DAB1: variants seen among roughly 807,000 people sequenced by gnomAD.
DAB1 encodes the protein DAB adaptor protein 1, also known as disabled homolog 1.
In DAB1, 15 loss-of-function variants were observed where a neutral mutation model predicts 64.6. The observed-to-expected ratio is 0.23, with a 90% CI of 0.16 to 0.36. The LOEUF (loss-of-function observed/expected upper bound fraction) is 0.36, where lower values mean the gene tolerates loss of function less well. Among genes scored for constraint, DAB1 ranks in the 10% least tolerant of loss-of-function variants. The pLI is 1.00. For missense variants in DAB1, 596 were observed against 706.7 expected (o/e 0.84, Z 1.78); for synonymous variants, 235 against 251.9 (o/e 0.93, Z 0.64).
At chr1:57,436,136 C>T (rs893482919) in intron 7 of DAB1, among the ~76,000 whole-genome samples, 2 of 151,894 alleles carry the variant, frequency 1.3e-5, no homozygotes, top group African/African-American at 2.4e-5. Context: ...AGGCTGGTCT[C>T]GAACTCCTGA....
chr1:58,216,071 T>C (rs994604740), intron 4 of DAB1, among the ~76,000 whole-genome samples: 13 of 152,312 alleles, frequency 8.5e-5, no homozygotes, highest in African/African-American at 2.9e-4. Context: ...GGGATACATA[T>C]GCAGAACTTG....
At chr1:57,668,074 G>A (rs1646469931) in intron 6 of DAB1, among the ~76,000 whole-genome samples, 1 of 151,844 alleles carries the variant, frequency 6.6e-6, no homozygotes, top group African/African-American at 2.4e-5. Flanking sequence ...GTGTGGCTGA[G>A]GAACTGAATT....
At chr1:57,115,930 A>G (rs1486909432) in intron 4 of DAB1, among the ~76,000 whole-genome samples, 1 of 152,184 alleles carries the variant, frequency 6.6e-6, no homozygotes. Context: ...ACATCAGGCC[A>G]TGGGGAAAGT....
intron 5 of DAB1, among the ~76,000 whole-genome samples, chr1:58,025,780 TA>T (rs1646886459): frequency 6.6e-6 from 1 of 150,662 alleles, no homozygotes; most frequent in African/African-American, 2.4e-5. Context: ...TAACTATCAA[TA>T]AAATCCAATT....
chr1:58,071,932 C>T (rs1018296916), intron 5 of DAB1, among the ~76,000 whole-genome samples: 3 of 151,910 alleles, frequency 2.0e-5, no homozygotes, highest in Non-Finnish European at 2.9e-5. Context: ...AGAACAAAAC[C>T]AACTATAATT....
intron 5 of DAB1, among the ~76,000 whole-genome samples, chr1:57,902,377 T>G (rs1047193933): frequency 4.6e-5 from 7 of 152,120 alleles, no homozygotes; most frequent in African/African-American, 1.4e-4. Context: ...TTATTTTGCC[T>G]GTATCTTCTA....
At chr1:58,429,323 A>T (rs1175035164) in intron 3 of DAB1, among the ~76,000 whole-genome samples, 3 of 152,222 alleles carry the variant, frequency 2.0e-5, no homozygotes, top group African/African-American at 7.2e-5. Context: ...AGACTGGATG[A>T]GAACATCAAG....
At chr1:57,758,033 T>G (rs528899799) in intron 6 of DAB1, among the ~76,000 whole-genome samples, 1 of 152,214 alleles carries the variant, frequency 6.6e-6, no homozygotes, top group South Asian at 2.1e-4. Context: ...CCCAGGTTGG[T>G]CTTGAATTCC....
chr1:58,402,288 G>A (rs1000155821), intron 3 of DAB1, among the ~76,000 whole-genome samples: 2 of 152,156 alleles, frequency 1.3e-5, no homozygotes, highest in Non-Finnish European at 2.9e-5. Flanking sequence ...TCGGCCCAGC[G>A]ATTAGATGGC....
chr1:57,360,358 T>A (rs1679449285), intron 1 of DAB1, among the ~76,000 whole-genome samples: 1 of 152,122 alleles, frequency 6.6e-6, no homozygotes, highest in Non-Finnish European at 1.5e-5. Context: ...TTTATCTTCT[T>A]ACATTTGTGC....
intron 3 of DAB1, among the ~76,000 whole-genome samples, chr1:58,403,706 GT>G (rs1644592191): frequency 6.6e-6 from 1 of 152,226 alleles, no homozygotes; most frequent in Admixed American, 6.5e-5. Flanking sequence ...GATCTTGGAT[GT>G]GAAGCTCTGA....
At chr1:58,060,952 C>A (rs979846429) in intron 5 of DAB1, among the ~76,000 whole-genome samples, 1 of 152,228 alleles carries the variant, frequency 6.6e-6, no homozygotes, top group Non-Finnish European at 1.5e-5. Flanking sequence ...GGCTGCCTGC[C>A]TCCCTGCTGC....
intron 7 of DAB1, among the ~76,000 whole-genome samples, chr1:57,518,467 A>G (rs1178287025): frequency 1.3e-5 from 2 of 152,134 alleles, no homozygotes; most frequent in Non-Finnish European, 2.9e-5. Flanking sequence ...CTCCCCCTAC[A>G]TATTTCAGAT....
At chr1:57,069,209 G>A (rs1651215092) in intron 8 of DAB1, 151 bp downstream of exon 8, 10 of 644,010 alleles carry the variant, frequency 1.6e-5, no homozygotes, top group Non-Finnish European at 2.8e-5. Flanking sequence ...AAAACTACTG[G>A]TAAATTGCTG....
intron 1 of DAB1, among the ~76,000 whole-genome samples, chr1:58,538,205 GA>G (rs1646548200): frequency 6.6e-6 from 1 of 152,000 alleles, no homozygotes; most frequent in East Asian, 1.9e-4. Flanking sequence ...ACAAACAAGA[GA>G]AAAAGGGTTA....
chr1:58,344,741 C>G (rs190787806), intron 3 of DAB1, among the ~76,000 whole-genome samples: 1 of 152,176 alleles, frequency 6.6e-6, no homozygotes, highest in African/African-American at 2.4e-5. Context: ...GAGAGGTTAA[C>G]TAACATCACT....
At chr1:57,671,210 A>T (rs1244346101) in intron 6 of DAB1, among the ~76,000 whole-genome samples, 1 of 152,164 alleles carries the variant, frequency 6.6e-6, no homozygotes, top group Non-Finnish European at 1.5e-5. Flanking sequence ...CTTTTAATCA[A>T]AATGAGTTTC....
chr1:57,570,551 G>A (rs1558504527), intron 7 of DAB1, among the ~76,000 whole-genome samples: 1 of 152,068 alleles, frequency 6.6e-6, no homozygotes, highest in African/African-American at 2.4e-5. Context: ...TTTTATACCA[G>A]TACCATGCTG....
intron 4 of DAB1, among the ~76,000 whole-genome samples, chr1:58,257,136 C>A (rs1052409904): frequency 6.6e-6 from 1 of 152,140 alleles, no homozygotes; most frequent in Non-Finnish European, 1.5e-5. Context: ...TATAATTATC[C>A]AGAGCCTACT....
Sources: allele counts gnomAD v4.1 joint callset (sites outside exome capture counted in the v4.1 genomes callset), GRCh38; gene constraint gnomAD v4.1.1; transcripts MANE v1.5; gene names NCBI Gene and HGNC (gene_info 2026-07-23, HGNC 2026-07-21).